The following POU6F2 variants were observed in gnomAD, a reference collection of about 807,000 sequenced individuals.
POU6F2 encodes the protein POU class 6 homeobox 2, also known as POU domain, class 6, transcription factor 2.
Under a neutral mutation model 71.3 loss-of-function variants are expected in POU6F2, and 31 were observed. The ratio of observed to expected loss-of-function variants is 0.43; its 90% CI spans 0.33 to 0.59. The LOEUF (loss-of-function observed/expected upper bound fraction) is 0.59. Ranked by LOEUF, POU6F2 falls within the 20% of genes least tolerant of loss-of-function variation. The probability of loss-of-function intolerance (pLI) is 0.04; values close to 1 mark genes in which losing one functional copy is unlikely to be tolerated. For synonymous variants in POU6F2, 347 were observed against 355.7 expected, an observed-to-expected ratio of 0.98 and a Z score of 0.27; for missense variants, 783 against 856.8, an observed-to-expected ratio of 0.91 and a Z score of 1.07.
intron 7 of POU6F2, among the ~76,000 whole-genome samples, chr7:39,434,121 T>C (rs77194932): frequency 0.033 from 5,021 of 152,106 alleles, 230 homozygotes; most frequent in African/African-American, 0.1. Flanking sequence ...ATCCCAGAGA[T>C]AATGGCTTGG....
At chr7:39,089,048 A>C (rs548125851) in intron 2 of POU6F2, among the ~76,000 whole-genome samples, 3 of 152,210 alleles carry the variant, frequency 2.0e-5, no homozygotes, top group Admixed American at 2.0e-4. Context: ...AGCAGCTCAG[A>C]ATACCAGAAG....
intron 2 of POU6F2, among the ~76,000 whole-genome samples, chr7:39,185,468 A>G (rs995948271): frequency 6.6e-6 from 1 of 152,188 alleles, no homozygotes; most frequent in African/African-American, 2.4e-5. Context: ...ACCGAAGTTT[A>G]TGAAGGATAT....
intron 2 of POU6F2, among the ~76,000 whole-genome samples, chr7:39,182,734 G>T (rs990661900): frequency 2.6e-5 from 4 of 151,990 alleles, no homozygotes; most frequent in Admixed American, 6.6e-5. Flanking sequence ...TTAAGTCATT[G>T]TTTTCTAACC....
At chr7:39,431,855 C>A (rs1788109264) in intron 6 of POU6F2, among the ~76,000 whole-genome samples, 1 of 152,224 alleles carries the variant, frequency 6.6e-6, no homozygotes, top group Non-Finnish European at 1.5e-5. Context: ...GATCTTACTA[C>A]TGTGTCCTGG....
intron 2 of POU6F2, among the ~76,000 whole-genome samples, chr7:39,195,083 G>A (rs918427075): frequency 6.6e-6 from 1 of 152,230 alleles, no homozygotes; most frequent in Non-Finnish European, 1.5e-5. Context: ...GGACACAGTA[G>A]CACATGACAA....
At chr7:39,166,651 T>A (rs2128737957) in intron 2 of POU6F2, among the ~76,000 whole-genome samples, 1 of 152,268 alleles carries the variant, frequency 6.6e-6, no homozygotes, top group African/African-American at 2.4e-5. Flanking sequence ...TGTCCCTACC[T>A]CTCTAACCCC....
At chr7:39,292,046 T>A (rs4989072) in intron 4 of POU6F2, among the ~76,000 whole-genome samples, 4 of 151,046 alleles carry the variant, frequency 2.6e-5, no homozygotes, top group African/African-American at 4.9e-5. Context: ...GGAAAAAAAC[T>A]GAGAAGGAGA....
At chr7:39,291,730 G>A (rs1336198169) in intron 4 of POU6F2, among the ~76,000 whole-genome samples, 1 of 152,148 alleles carries the variant, frequency 6.6e-6, no homozygotes, top group Non-Finnish European at 1.5e-5. Context: ...ATACCGGATG[G>A]CAGAAAAGGA....
chr7:39,375,352 C>A (rs1348281872), intron 5 of POU6F2, among the ~76,000 whole-genome samples: 1 of 152,184 alleles, frequency 6.6e-6, no homozygotes, highest in Admixed American at 6.5e-5. Flanking sequence ...AAATATTTTT[C>A]TCCTAGGGAT....
chr7:39,085,755 T>G, intron 1 of POU6F2, 105 bp from the exon 2 acceptor site: 1 of 1,110,566 alleles, frequency 9.0e-7, no homozygotes, highest in South Asian at 1.4e-5. Context: ...GGAGAGTGTG[T>G]GTGGAAGAGA....
intron 4 of POU6F2, among the ~76,000 whole-genome samples, chr7:39,321,869 C>T (rs148425203): frequency 8.0e-4 from 121 of 151,380 alleles, no homozygotes; most frequent in African/African-American, 2.7e-3. Flanking sequence ...TAAGAATAAA[C>T]ATTGTATATA....
At chr7:39,111,425 A>G (rs755774579) in intron 2 of POU6F2, among the ~76,000 whole-genome samples, 9 of 152,184 alleles carry the variant, frequency 5.9e-5, no homozygotes, top group Non-Finnish European at 1.2e-4. Flanking sequence ...ACCTTTACTC[A>G]GATTAAGAAA....
intron 6 of POU6F2, among the ~76,000 whole-genome samples, chr7:39,416,540 T>C (rs1787679938): frequency 6.6e-6 from 1 of 152,224 alleles, no homozygotes; most frequent in Non-Finnish European, 1.5e-5. Context: ...GAGCTCCTAA[T>C]GTGGCAAGAC....
At chr7:39,076,660 T>C (rs926735472) in intron 1 of POU6F2, among the ~76,000 whole-genome samples, 1 of 152,146 alleles carries the variant, frequency 6.6e-6, no homozygotes, top group Non-Finnish European at 1.5e-5. Flanking sequence ...CACTAAAGAC[T>C]CCATGTAAAA....
intron 5 of POU6F2, among the ~76,000 whole-genome samples, chr7:39,374,822 G>A (rs1382342373): frequency 6.6e-6 from 1 of 152,192 alleles, no homozygotes; most frequent in Non-Finnish European, 1.5e-5. Context: ...ACATTTTCAG[G>A]TGGCAGTCAG....
chr7:39,231,256 A>G (rs889869941), intron 4 of POU6F2, among the ~76,000 whole-genome samples: 23 of 152,180 alleles, frequency 1.5e-4, no homozygotes, highest in African/African-American at 5.5e-4. Flanking sequence ...GCATCTTAAT[A>G]TTGTTAGCAT....
chr7:39,445,926 A>C (rs1378076208), intron 7 of POU6F2, among the ~76,000 whole-genome samples: 2 of 152,214 alleles, frequency 1.3e-5, no homozygotes, highest in Non-Finnish European at 2.9e-5. Context: ...TCCAACCCAC[A>C]GTAGCAGCAT....
chr7:39,192,931 G>A (rs1179652593), intron 2 of POU6F2, among the ~76,000 whole-genome samples: 2 of 152,178 alleles, frequency 1.3e-5, no homozygotes, highest in African/African-American at 4.8e-5. Flanking sequence ...ATGGAGGAAG[G>A]AAGAGAGGAA....
chr7:38,980,184 G>A (rs900457829), intron 1 of POU6F2, among the ~76,000 whole-genome samples: 3 of 152,100 alleles, frequency 2.0e-5, no homozygotes, highest in Admixed American at 2.0e-4. Context: ...GCTTTCTGAA[G>A]GTGTTATTTC....
Sources: gnomAD v4.1 joint callset for allele counts (sites outside exome capture counted in the v4.1 genomes callset) on GRCh38, gnomAD v4.1.1 for gene constraint, MANE v1.5 for transcripts, NCBI Gene and HGNC (gene_info 2026-07-23, HGNC 2026-07-21) for gene names.